Variants in HYDIN observed in about 807,000 individuals in gnomAD.
HYDIN encodes the protein HYDIN axonemal central pair apparatus protein.
Under a neutral mutation model 403.9 loss-of-function variants are expected in HYDIN, and 132 were observed. That is an observed-to-expected ratio of 0.33 (90% CI 0.28 to 0.38). The LOEUF is 0.38. Ranked by LOEUF, HYDIN falls within the 10% of genes least tolerant of loss-of-function variation. HYDIN has a pLI of 1.00. For missense variants in HYDIN, 2,827 were observed against 5,009.5 expected (o/e 0.56, Z 13.15); for synonymous variants, 1,202 against 1,891.7 (o/e 0.64, Z 9.46).
At chr16:71,226,184 G>T (rs569549730) in intron 1 of HYDIN, among the ~76,000 whole-genome samples, 3 of 152,120 alleles carry the variant, frequency 2.0e-5, no homozygotes, top group Non-Finnish European at 4.4e-5. Flanking sequence ...TCAAGAAATC[G>T]ATTTTATGCT....
chr16:71,161,466 G>A (rs2085998809), intron 6 of HYDIN, among the ~76,000 whole-genome samples: 1 of 152,086 alleles, frequency 6.6e-6, no homozygotes, highest in Non-Finnish European at 1.5e-5. Flanking sequence ...TCTACACTGT[G>A]GTTAGTCCAC....
intron 1 of HYDIN, among the ~76,000 whole-genome samples, chr16:71,205,469 CAG>C (rs1462616350): frequency 6.6e-6 from 1 of 152,174 alleles, no homozygotes; most frequent in Admixed American, 6.5e-5. Context: ...TAGAATGAGG[CAG>C]AGAGCCACCC....
chr16:71,018,808 T>C (rs2080358341), intron 22 of HYDIN, among the ~76,000 whole-genome samples: 1 of 152,268 alleles, frequency 6.6e-6, no homozygotes, highest in Non-Finnish European at 1.5e-5. Flanking sequence ...AATGAATAAC[T>C]ATTATAAAAT....
Position 70,884,048 on chromosome 16 carries a change from T to G in HYDIN, c.9851A>C (p.Asn3284Thr). ...CATGGCGTCAGCCACACAGTCAACG[T>G]TGATGACCTGCTGTCCTCCGGAAGG... ...SIPSGGQQVINVDCVADAMGK... is the reference protein window; with the variant it reads ...SIPSGGQQVITVDCVADAMGK... Residue 3284 changes from asparagine (N) to threonine (T), a missense_variant, in exon 59 of 86, where the codon AAC becomes ACC. Transcript: ENST00000393567. 1 of 1,613,982 alleles carries G rather than the reference T, an allele frequency of 6.2e-7. No homozygotes were observed. The highest frequency in any genetic ancestry group is 2.2e-5 in the East Asian group (1 of 44,854).
chr16:71,034,717 A>G (rs2081029834), intron 18 of HYDIN, among the ~76,000 whole-genome samples: 1 of 151,836 alleles, frequency 6.6e-6, no homozygotes, highest in South Asian at 2.1e-4. Flanking sequence ...TAAATAAAGG[A>G]AAGAAGAACA....
At chr16:70,944,187 A>C (rs1296614888) in intron 41 of HYDIN, among the ~76,000 whole-genome samples, 12 of 152,238 alleles carry the variant, frequency 7.9e-5, no homozygotes, top group Non-Finnish European at 1.6e-4. Context: ...GCAGCTTTTC[A>C]TTCATTCGAT....
chr16:70,991,112 T>A (rs1011415732), intron 25 of HYDIN, among the ~76,000 whole-genome samples: 2 of 152,224 alleles, frequency 1.3e-5, no homozygotes, highest in African/African-American at 2.4e-5. Flanking sequence ...GTATCCTCTA[T>A]CTAGGGTGTA....
intron 76 of HYDIN, among the ~76,000 whole-genome samples, chr16:70,838,278 C>T (rs2037577478): frequency 6.6e-6 from 1 of 152,030 alleles, no homozygotes; most frequent in South Asian, 2.1e-4. Context: ...GCAACCTCCA[C>T]CTCCCAGGTT....
Position 70,919,142 on chromosome 16 carries a change from G to A in HYDIN, c.7786-713C>T, listed in dbSNP as rs555057986. On this transcript the variant is annotated intron_variant, in intron 46 of 85. Coordinates refer to ENST00000393567, the MANE Select transcript of HYDIN (RefSeq NM_001270974.2). ...GCTAAAGGCATTTCCTGACAAATAC[G>A]CAGCTGAGTTAACTCCCAGGATTTA... Among the ~76,000 whole-genome samples the A allele has an allele frequency of 9.6e-3, 1,449 of 151,116 alleles. 12 individuals are homozygous for A. The highest frequency in any genetic ancestry group is 0.015 in the Non-Finnish European group (1,021 of 67,850).
At chr16:70,900,201 C>T (rs570176547) in intron 53 of HYDIN, among the ~76,000 whole-genome samples, 24 of 152,184 alleles carry the variant, frequency 1.6e-4, no homozygotes, top group African/African-American at 5.3e-4. Flanking sequence ...AAAGATACAT[C>T]GGGAGGCACC....
intron 47 of HYDIN, among the ~76,000 whole-genome samples, chr16:70,910,093 T>C (rs1374724963): frequency 6.6e-6 from 1 of 152,228 alleles, no homozygotes; most frequent in East Asian, 1.9e-4. Context: ...TTTATTATTT[T>C]TCTATTTTTT....
At position 70,849,753 on chromosome 16, in the gene HYDIN, GAC is replaced by G. The variant is rs1308030379; in HGVS notation, c.12844_12845del (p.Val4282LeufsTer84). 1.5e-6 allele frequency: 1 copy of G among 661,258 alleles called. No individual in the cohort carries two copies. The highest frequency in any genetic ancestry group is 2.7e-5 in the East Asian group (1 of 36,858). 41.0% of individuals were successfully genotyped at this position (661,258 alleles called of 1,614,324 possible). A position where few individuals can be genotyped will look rare whatever the true frequency, so the allele number is the denominator to read the frequency against. On this transcript the variant is annotated frameshift_variant, in exon 75 of 86. Coordinates refer to ENST00000393567, the MANE Select transcript of HYDIN (RefSeq NM_001270974.2). LOFTEE classifies it high-confidence loss of function. ...TLSFQPLKKC[V>X]LTDLELIIKI... ...TGATTATGAGTTCCAGGTCTGTCAAGACACACTTCTTTAATGGTTGAAAAGAC... is the reference window on the plus strand; with the variant it reads ...TGATTATGAGTTCCAGGTCTGTCAAGACACTTCTTTAATGGTTGAAAAGAC...
intron 58 of HYDIN, among the ~76,000 whole-genome samples, chr16:70,884,975 C>CAGTGTGA (rs1567765021): frequency 2.6e-5 from 4 of 152,254 alleles, no homozygotes. Context: ...GCTTCAGCTG[C>CAGTGTGA]AGTGTGAAGT....
chr16:70,870,634 C>T (rs1359360167), intron 65 of HYDIN, among the ~76,000 whole-genome samples: 5 of 152,216 alleles, frequency 3.3e-5, no homozygotes, highest in South Asian at 4.1e-4. Flanking sequence ...AGCCTCTCTG[C>T]CTCCTTTGAT....
intron 18 of HYDIN, among the ~76,000 whole-genome samples, chr16:71,035,982 G>A (rs1243326549): frequency 4.0e-5 from 6 of 150,372 alleles, no homozygotes; most frequent in Non-Finnish European, 7.4e-5. Flanking sequence ...AACCCCAGTG[G>A]AGGTTAGGAA....
chr16:70,947,905 C>T (rs2077928033), intron 41 of HYDIN, among the ~76,000 whole-genome samples: 1 of 149,214 alleles, frequency 6.7e-6, no homozygotes, highest in South Asian at 2.1e-4. Flanking sequence ...AGATTCAATG[C>T]CATCCCCATC....
intron 23 of HYDIN, among the ~76,000 whole-genome samples, chr16:70,992,611 C>A (rs1365130182): frequency 6.8e-6 from 1 of 148,004 alleles, no homozygotes; most frequent in African/African-American, 2.6e-5. Context: ...GATCCTGCTC[C>A]CAGTTCACCA....
intron 41 of HYDIN, among the ~76,000 whole-genome samples, chr16:70,950,633 T>A (rs2078036886): frequency 6.6e-6 from 1 of 151,436 alleles, no homozygotes; most frequent in South Asian, 2.1e-4. Flanking sequence ...GACCTACAAC[T>A]CTTCTCCATC....
At chr16:71,217,187 A>G (rs1032720358) in intron 1 of HYDIN, among the ~76,000 whole-genome samples, 3 of 152,166 alleles carry the variant, frequency 2.0e-5, no homozygotes, top group African/African-American at 7.2e-5. Context: ...AGTCCATCCA[A>G]TAGATCATAA....
Sources: allele counts gnomAD v4.1 joint callset (sites outside exome capture counted in the v4.1 genomes callset), GRCh38; gene constraint gnomAD v4.1.1; transcripts MANE v1.5; gene names NCBI Gene and HGNC (gene_info 2026-07-23, HGNC 2026-07-21).